Variants in LRRTM4 observed in about 807,000 individuals in gnomAD.
LRRTM4 encodes the protein leucine rich repeat transmembrane neuronal 4.
LRRTM4 carries 25 observed loss-of-function variants against 47.6 expected under a neutral mutation model. The ratio of observed to expected loss-of-function variants is 0.53; its 90% CI spans 0.38 to 0.73. The LOEUF is 0.73. Among genes scored for constraint, LRRTM4 ranks in the 30% least tolerant of loss-of-function variants. The probability of loss-of-function intolerance (pLI) is 0.00; values close to 1 mark genes in which losing one functional copy is unlikely to be tolerated. For missense variants in LRRTM4, 638 were observed against 713.4 expected (o/e 0.89, Z 1.20); for synonymous variants, 311 against 269.5 (o/e 1.15, Z -1.51).
At chr2:76,775,175 G>C (rs1673909666) in intron 3 of LRRTM4, among the ~76,000 whole-genome samples, 1 of 152,158 alleles carries the variant, frequency 6.6e-6, no homozygotes, top group South Asian at 2.1e-4. Context: ...TCTTCCAGCA[G>C]GCATTTATTG....
intron 3 of LRRTM4, among the ~76,000 whole-genome samples, chr2:76,760,086 A>G (rs1349063690): frequency 6.6e-6 from 1 of 152,184 alleles, no homozygotes; most frequent in Non-Finnish European, 1.5e-5. Flanking sequence ...AGAGATATTT[A>G]TTAGAGAATT....
intron 3 of LRRTM4, among the ~76,000 whole-genome samples, chr2:77,212,233 T>A (rs1288504698): frequency 6.6e-6 from 1 of 151,428 alleles, no homozygotes; most frequent in African/African-American, 2.4e-5. Flanking sequence ...TACTATGTTA[T>A]TAATGAAATA....
chr2:77,436,379 G>T (rs1004217109), intron 3 of LRRTM4, among the ~76,000 whole-genome samples: 127 of 151,968 alleles, frequency 8.4e-4, no homozygotes, highest in African/African-American at 2.9e-3. Flanking sequence ...CAATGCTAAG[G>T]TTGTTTGATA....
At chr2:77,103,667 A>C (rs189791877) in intron 3 of LRRTM4, among the ~76,000 whole-genome samples, 3,897 of 146,268 alleles carry the variant, frequency 0.027, 196 homozygotes, top group African/African-American at 0.093. Flanking sequence ...ATATATAGAT[A>C]TATATATCAC....
chr2:77,022,948 C>T (rs567582806), intron 3 of LRRTM4, among the ~76,000 whole-genome samples: 3 of 152,336 alleles, frequency 2.0e-5, no homozygotes, highest in South Asian at 4.1e-4. Context: ...GTGAGGGCTC[C>T]AACCCCACAT....
chr2:77,242,854 A>C (rs889588039), intron 3 of LRRTM4, among the ~76,000 whole-genome samples: 4 of 152,160 alleles, frequency 2.6e-5, no homozygotes, highest in African/African-American at 9.7e-5. Context: ...CTATAATCCA[A>C]GAATTCCACT....
At chr2:77,099,841 T>C (rs889656749) in intron 3 of LRRTM4, among the ~76,000 whole-genome samples, 4 of 152,142 alleles carry the variant, frequency 2.6e-5, no homozygotes, top group Admixed American at 1.3e-4. Context: ...AACATCATTC[T>C]TGAACATAAT....
chr2:76,920,625 T>C (rs1674399773), intron 3 of LRRTM4, among the ~76,000 whole-genome samples: 1 of 149,586 alleles, frequency 6.7e-6, no homozygotes, highest in Admixed American at 6.8e-5. Flanking sequence ...AGCTAGTAGA[T>C]ACTTGGAGCT....
At chr2:77,475,632 T>A (rs1053380597) in intron 3 of LRRTM4, among the ~76,000 whole-genome samples, 1 of 151,936 alleles carries the variant, frequency 6.6e-6, no homozygotes, top group Admixed American at 6.6e-5. Context: ...TATTTTAAAG[T>A]GTTTTATATT....
intron 3 of LRRTM4, among the ~76,000 whole-genome samples, chr2:76,973,638 T>A (rs889649051): frequency 9.9e-5 from 15 of 151,964 alleles, no homozygotes; most frequent in Non-Finnish European, 1.6e-4. Context: ...CTTTTGACGG[T>A]ATGCTCATTT....
At chr2:77,038,320 C>T (rs909536880) in intron 3 of LRRTM4, among the ~76,000 whole-genome samples, 2 of 151,526 alleles carry the variant, frequency 1.3e-5, no homozygotes, top group African/African-American at 4.8e-5. Flanking sequence ...AACAGTCAGG[C>T]ACAGCTTTGC....
intron 3 of LRRTM4, among the ~76,000 whole-genome samples, chr2:77,350,481 T>C (rs1671727052): frequency 1.3e-5 from 2 of 151,754 alleles, no homozygotes; most frequent in Admixed American, 1.3e-4. Flanking sequence ...TTTTCTAAAA[T>C]AGTATGTATA....
intron 3 of LRRTM4, among the ~76,000 whole-genome samples, chr2:77,482,224 G>C (rs1412118684): frequency 2.6e-5 from 4 of 152,086 alleles, no homozygotes; most frequent in Admixed American, 2.6e-4. Flanking sequence ...TTTCCAATAT[G>C]ATTTTGCCAA....
At chr2:76,834,857 G>C (rs1039584682) in intron 3 of LRRTM4, among the ~76,000 whole-genome samples, 1 of 152,114 alleles carries the variant, frequency 6.6e-6, no homozygotes, top group Non-Finnish European at 1.5e-5. Flanking sequence ...TAAATGCCAA[G>C]TGAAATTTTG....
At chr2:77,321,242 A>G (rs936164462) in intron 3 of LRRTM4, among the ~76,000 whole-genome samples, 6 of 152,176 alleles carry the variant, frequency 3.9e-5, no homozygotes, top group Non-Finnish European at 7.4e-5. Context: ...TCCCCTCTGC[A>G]TATTGAAATT....
At chr2:77,207,091 CTTTT>C (rs1674147032) in intron 3 of LRRTM4, among the ~76,000 whole-genome samples, 1 of 148,422 alleles carries the variant, frequency 6.7e-6, no homozygotes, top group Non-Finnish European at 1.5e-5. Flanking sequence ...ATTCTTCTTT[CTTTT>C]GTTTGTAACC....
intron 3 of LRRTM4, among the ~76,000 whole-genome samples, chr2:77,018,806 A>C (rs892756046): frequency 2.6e-5 from 4 of 152,152 alleles, no homozygotes; most frequent in Non-Finnish European, 5.9e-5. Context: ...TGCACATAAT[A>C]AACAATTGGT....
chr2:76,906,974 A>G (rs1417182842), intron 3 of LRRTM4, among the ~76,000 whole-genome samples: 9 of 152,134 alleles, frequency 5.9e-5, no homozygotes, highest in Non-Finnish European at 8.8e-5. Context: ...CAGGAATTGA[A>G]CTCAGCTCTG....
intron 3 of LRRTM4, among the ~76,000 whole-genome samples, chr2:77,459,438 G>T (rs938617463): frequency 1.3e-5 from 2 of 151,982 alleles, no homozygotes; most frequent in Admixed American, 6.6e-5. Context: ...TAAGGGTGTA[G>T]GTCCTCTCAT....
Sources: allele counts gnomAD v4.1 joint callset (sites outside exome capture counted in the v4.1 genomes callset), GRCh38; gene constraint gnomAD v4.1.1; transcripts MANE v1.5; gene names NCBI Gene and HGNC (gene_info 2026-07-23, HGNC 2026-07-21).